The following FUBP3 variants were observed in gnomAD, a reference collection of about 807,000 sequenced individuals.
FUBP3 encodes far upstream element binding protein 3.
In FUBP3, 28 loss-of-function variants were observed where a neutral mutation model predicts 85.6. The observed-to-expected ratio is 0.33, with a 90% CI of 0.24 to 0.45. The LOEUF (loss-of-function observed/expected upper bound fraction) is 0.45, where lower values mean the gene tolerates loss of function less well. FUBP3 is among the 20% of genes least tolerant of loss of function. The pLI is 1.00. For missense variants in FUBP3, 583 were observed against 755.1 expected, an observed-to-expected ratio of 0.77 and a Z score of 2.67; for synonymous variants, 271 against 271.4, an observed-to-expected ratio of 1.00 and a Z score of 0.01.
At chr9:130,625,644 G>A (rs1025422192) in intron 11 of FUBP3, among the ~76,000 whole-genome samples, 7 of 152,210 alleles carry the variant, frequency 4.6e-5, no homozygotes, top group African/African-American at 1.7e-4. Context: ...CTCAATGAAA[G>A]GGCTCTTCCT....
chr9:130,597,979 T>G (rs1044496486), intron 2 of FUBP3, among the ~76,000 whole-genome samples: 2 of 152,146 alleles, frequency 1.3e-5, no homozygotes, highest in Admixed American at 1.3e-4. Context: ...CCATGGTCAT[T>G]TTCTGTTTGT....
At position 130,632,294 on chromosome 9, in the gene FUBP3, C is replaced by T. The variant is rs374206409; in HGVS notation, c.1510+16C>T. 25 of 1,596,922 alleles carry T rather than the reference C, an allele frequency of 1.6e-5. No individual in the cohort carries two copies. Among genetic ancestry groups the T allele is most frequent in the Admixed American group, 3.3e-5 (2 of 59,948 alleles). On this transcript the variant is annotated intron_variant, in intron 16 of 18. Coordinates refer to ENST00000319725, the MANE Select transcript of FUBP3 (RefSeq NM_003934.2). ...CAGGTCCCAAGTAAGTGACTCGGGG[C>T]GGGGAGTGCATGCCCTCCAGAAAGG...
chr9:130,628,092 A>ACGCG (rs1235378741), intron 12 of FUBP3, among the ~76,000 whole-genome samples: 73 of 115,746 alleles, frequency 6.3e-4, no homozygotes, highest in Admixed American at 2.3e-3. Context: ...ACACGCACGC[A>ACGCG]CGCACGCACG....
intron 1 of FUBP3, among the ~76,000 whole-genome samples, chr9:130,590,066 C>G (rs1830558862): frequency 1.4e-5 from 2 of 139,030 alleles, no homozygotes; most frequent in African/African-American, 5.6e-5. Context: ...GTGACATACC[C>G]CCAAGGAGAT....
intron 1 of FUBP3, among the ~76,000 whole-genome samples, chr9:130,590,216 A>G (rs944357914): frequency 6.6e-6 from 1 of 152,058 alleles, no homozygotes; most frequent in Non-Finnish European, 1.5e-5. Flanking sequence ...TCCCAAGATC[A>G]CCTTGTGCAT....
chr9:130,609,866 C>A, intron 2 of FUBP3, 88 bp from the exon 3 acceptor site: 1 of 1,014,162 alleles, frequency 9.9e-7, no homozygotes, highest in Non-Finnish European at 1.5e-6. Context: ...CTTTTCCACC[C>A]CACCCGAAAT....
At chr9:130,582,102 G>A (rs1395907439) in intron 1 of FUBP3, 1 of 152,204 alleles carries the variant, frequency 6.6e-6, no homozygotes, top group African/African-American at 2.4e-5. Context: ...GTGAAGTCTA[G>A]TGAGTTAATG....
intron 2 of FUBP3, among the ~76,000 whole-genome samples, chr9:130,605,434 CA>C (rs1177352761): frequency 1.3e-5 from 2 of 152,228 alleles, no homozygotes; most frequent in African/African-American, 4.8e-5. Context: ...AATTAAAGGA[CA>C]GGGGAAGATG....
intron 12 of FUBP3, among the ~76,000 whole-genome samples, chr9:130,627,032 T>G (rs1830006690): frequency 6.6e-6 from 1 of 152,214 alleles, no homozygotes; most frequent in East Asian, 1.9e-4. Context: ...AAATAAACAT[T>G]GATGTGTTAG....
intron 9 of FUBP3, among the ~76,000 whole-genome samples, chr9:130,622,005 A>G (rs939691566): frequency 6.6e-6 from 1 of 151,956 alleles, no homozygotes; most frequent in African/African-American, 2.4e-5. Flanking sequence ...CACTATAATA[A>G]AAACTAAGTT....
chr9:130,605,964 A>C (rs10901225), intron 2 of FUBP3, among the ~76,000 whole-genome samples: 39,193 of 152,122 alleles, frequency 0.26, 5,210 homozygotes, highest in East Asian at 0.4. Context: ...AGCCTGGGAG[A>C]CAGAGCGAGA....
chr9:130,588,105 A>T (rs1280842960), intron 1 of FUBP3, among the ~76,000 whole-genome samples: 3 of 152,170 alleles, frequency 2.0e-5, no homozygotes, highest in Non-Finnish European at 4.4e-5. Flanking sequence ...GGTGCCAGGC[A>T]AGGATTCTTA....
chr9:130,629,082 T>C (rs1830108334), intron 12 of FUBP3, among the ~76,000 whole-genome samples: 1 of 152,198 alleles, frequency 6.6e-6, no homozygotes, highest in Admixed American at 6.5e-5. Flanking sequence ...TCTCTATTCT[T>C]TATTGCTCCC....
chr9:130,598,688 G>A (rs1051752559), intron 2 of FUBP3, among the ~76,000 whole-genome samples: 3 of 152,222 alleles, frequency 2.0e-5, no homozygotes, highest in African/African-American at 7.2e-5. Context: ...TAGTTTAAAT[G>A]GTTATCTTAG....
chr9:130,634,025 AC>A, intron 16 of FUBP3, among the ~76,000 whole-genome samples: 1 of 151,808 alleles, frequency 6.6e-6, no homozygotes, highest in African/African-American at 2.4e-5. Flanking sequence ...AAGTCTTTGA[AC>A]CCCCTCTTGT....
At chr9:130,622,988 C>T (rs1829820637) in intron 10 of FUBP3, among the ~76,000 whole-genome samples, 178 bp downstream of exon 10, 1 of 152,178 alleles carries the variant, frequency 6.6e-6, no homozygotes, top group Non-Finnish European at 1.5e-5. Context: ...TTCTCCCAGC[C>T]TTCTTTTCCC....
rs78943208 is a variant in FUBP3, at chr9:130,625,963, C to T, written c.976-401C>T. Among the ~76,000 whole-genome samples, 802 of 152,234 alleles carry T rather than the reference C, an allele frequency of 5.3e-3. 9 individuals are homozygous for T. The highest frequency in any genetic ancestry group is 0.018 in the African/African-American group (767 of 41,534). On this transcript the variant is annotated intron_variant, in intron 11 of 18. Coordinates refer to ENST00000319725, the MANE Select transcript of FUBP3 (RefSeq NM_003934.2). ...CAGCAGGCTGTGCATATCTGACTTCCCATAGGCCCAGTATGTGTCCGCCGC... is the reference window on the plus strand; with the variant it reads ...CAGCAGGCTGTGCATATCTGACTTCTCATAGGCCCAGTATGTGTCCGCCGC...
In FUBP3 at chr9:130,617,804, C is replaced by T. The variant is rs1169006244; in HGVS notation, c.575C>T (p.Thr192Ile). ...GETIKQLQER[T>I]GVKMVMIQDG... ...GGTGTGTGTTCCCCACAGGAGCGGA[C>T]AGGGGTGAAGATGGTCATGATCCAG... The change falls in exon 8 of 19, where the codon ACA (threonine) becomes ATA (isoleucine). Residue 192 changes from threonine (T) to isoleucine (I), a missense_variant. Thr to Ile is a moderately conservative substitution (Grantham distance 89). This residue lies in a region of FUBP3 where 404 missense variants were observed against 516.8 expected (regional missense o/e 0.78). Coordinates refer to ENST00000319725, the MANE Select transcript of FUBP3 (RefSeq NM_003934.2). 6 of 1,589,776 alleles carry T rather than the reference C, an allele frequency of 3.8e-6. No individual in the cohort carries two copies. Among genetic ancestry groups the T allele is most frequent in the Non-Finnish European group, 5.2e-6 (6 of 1,157,902 alleles).
chr9:130,586,142 G>A (rs1224580935), intron 1 of FUBP3, among the ~76,000 whole-genome samples: 1 of 151,868 alleles, frequency 6.6e-6, no homozygotes, highest in African/African-American at 2.4e-5. Flanking sequence ...GGCATGCACC[G>A]CCACTCCCAG....
Sources: allele counts gnomAD v4.1 joint callset (sites outside exome capture counted in the v4.1 genomes callset), GRCh38; gene constraint gnomAD v4.1.1; regional missense constraint gnomAD v4.1.1; transcripts MANE v1.5; gene names NCBI Gene and HGNC (gene_info 2026-07-23, HGNC 2026-07-21).